VPS41: variants seen among roughly 807,000 people sequenced by gnomAD.
The protein encoded by VPS41 is VPS41 subunit of HOPS complex, also known as vacuolar protein sorting-associated protein 41 homolog.
Under a neutral mutation model 130.9 loss-of-function variants are expected in VPS41, and 85 were observed. The observed-to-expected ratio is 0.65, with a 90% CI of 0.55 to 0.78. VPS41 has a LOEUF of 0.78. VPS41 is among the 30% of genes least tolerant of loss of function. VPS41 has a pLI of 0.00. For synonymous variants in VPS41, 335 were observed against 332.9 expected (o/e 1.01, Z -0.07); for missense variants, 874 against 1,018.7 (o/e 0.86, Z 1.93).
At position 38,754,890 on chromosome 7, in the gene VPS41, C is replaced by G; in HGVS notation, c.1737+5G>C. Reference sequence around the variant, plus strand: ...GTAACACATATAAAAACAAATGACACTCACTGAAATTTTATCTTCATTGTC... The same window carrying G: ...GTAACACATATAAAAACAAATGACAGTCACTGAAATTTTATCTTCATTGTC... On this transcript the variant is annotated splice_donor_5th_base_variant and intron_variant, in intron 20 of 28. Coordinates refer to ENST00000310301, the MANE Select transcript of VPS41 (RefSeq NM_014396.4). The G allele has an allele frequency of 6.2e-7, 1 of 1,613,320 alleles. No individual in the cohort carries two copies. The highest frequency in any genetic ancestry group is 8.5e-7 in the Non-Finnish European group (1 of 1,179,486).
chr7:38,765,508 T>G, intron 16 of VPS41, 72 bp downstream of exon 16: 6 of 1,037,378 alleles, frequency 5.8e-6, no homozygotes, highest in Non-Finnish European at 8.6e-6. Flanking sequence ...TGAGTACTAT[T>G]ATCTTTGTTT....
In VPS41 at chr7:38,821,219, A is replaced by G. The variant is rs540991582; in HGVS notation, c.368T>C (p.Phe123Ser). ...AATACTTACTTTAATGGGACAGTCA[A>G]AAGTCTCGTGAAATTCTTCTCCAGA... is the stretch of plus-strand genomic sequence containing the variant. Reference protein sequence around the residue: ...LYSGEEFHETFDCPIKIIAVH... With the variant: ...LYSGEEFHETSDCPIKIIAVH... Residue 123 changes from phenylalanine (F) to serine (S), a missense_variant, in exon 6 of 29, where the codon TTT (phenylalanine) becomes TCT (serine). Phe to Ser is a radical substitution (Grantham distance 155, BLOSUM62 -2). Transcript: ENST00000310301. 34 of 1,613,832 alleles carry G rather than the reference A, an allele frequency of 2.1e-5. No individual in the cohort carries two copies. In the Admixed American group the frequency reaches 3.5e-4, roughly 17 times the overall value.
chr7:38,859,418 C>T (rs1221291182), intron 4 of VPS41, among the ~76,000 whole-genome samples: 1 of 152,114 alleles, frequency 6.6e-6, no homozygotes, highest in East Asian at 1.9e-4. Context: ...CCACCCAGAA[C>T]AACTTCCAGT....
chr7:38,765,418 G>T lies in VPS41; in HGVS notation c.1329+162C>A, dbSNP rs563895046. 2.6e-5 allele frequency among the ~76,000 whole-genome samples: 4 copies of T among 151,510 alleles called. No individual in the cohort carries two copies. In the South Asian group the frequency reaches 8.3e-4, roughly 32 times the overall value. On this transcript the variant is annotated intron_variant, in intron 16 of 28. Transcript: ENST00000310301. Reference sequence around the variant, plus strand: ...TAATCTTATATATTTTTTTTTACACGAGGCTTATATTTTGAAACTGTCTCT... The same window carrying T: ...TAATCTTATATATTTTTTTTTACACTAGGCTTATATTTTGAAACTGTCTCT...
intron 10 of VPS41, among the ~76,000 whole-genome samples, chr7:38,785,649 A>C (rs1396725880): frequency 1.3e-5 from 2 of 151,828 alleles, no homozygotes; most frequent in East Asian, 1.9e-4. Flanking sequence ...GCTAATCACA[A>C]GGTTCAAACC....
intron 4 of VPS41, among the ~76,000 whole-genome samples, chr7:38,853,537 C>T (rs1785911918): frequency 6.6e-6 from 1 of 152,176 alleles, no homozygotes. Flanking sequence ...TTCCCTGTCT[C>T]CCAACTGCAA....
At chr7:38,804,041 T>A (rs1784788244) in intron 7 of VPS41, among the ~76,000 whole-genome samples, 1 of 152,250 alleles carries the variant, frequency 6.6e-6, no homozygotes, top group African/African-American at 2.4e-5. Flanking sequence ...ATTTAACATG[T>A]TTAAAACCAG....
intron 5 of VPS41, among the ~76,000 whole-genome samples, chr7:38,822,496 A>G (rs1785191584): frequency 6.6e-6 from 1 of 152,212 alleles, no homozygotes; most frequent in Non-Finnish European, 1.5e-5. Context: ...ACACTGTTGG[A>G]TATAGTAGAG....
chr7:38,815,766 T>C (rs1217012253), intron 7 of VPS41, among the ~76,000 whole-genome samples: 1 of 152,130 alleles, frequency 6.6e-6, no homozygotes, highest in African/African-American at 2.4e-5. Context: ...CCAGCCTACA[T>C]CTTTCTCTCT....
rs17171467 is a variant in VPS41, at chr7:38,801,575, G to T, written c.451-4711C>A. 5.5e-3 allele frequency among the ~76,000 whole-genome samples: 843 copies of T among 152,232 alleles called. 11 individuals carry two copies. The highest frequency in any genetic ancestry group is 0.019 in the African/African-American group (800 of 41,520). ...TACTAAGGAAAGTCATCATTTAAGA[G>T]AATTCTTTTGTAAGTCAAATAATTT... is the stretch of plus-strand genomic sequence containing the variant. On this transcript the variant is annotated intron_variant, in intron 7 of 28. Transcript: ENST00000310301.
intron 2 of VPS41, among the ~76,000 whole-genome samples, chr7:38,890,783 T>C (rs1190361288): frequency 6.6e-6 from 1 of 152,018 alleles, no homozygotes; most frequent in Non-Finnish European, 1.5e-5. Context: ...CCTCCTGGGC[T>C]GAAGTGATCC....
At chr7:38,757,838 C>T (rs1199031864) in intron 18 of VPS41, among the ~76,000 whole-genome samples, 1 of 152,126 alleles carries the variant, frequency 6.6e-6, no homozygotes, top group Non-Finnish European at 1.5e-5. Context: ...TCATAAGCGT[C>T]TCGCACAAAG....
intron 4 of VPS41, among the ~76,000 whole-genome samples, chr7:38,847,978 C>A (rs1003007527): frequency 2.0e-5 from 3 of 152,046 alleles, no homozygotes; most frequent in Admixed American, 6.5e-5. Context: ...AGAGAAAATG[C>A]CTAATTTATT....
chr7:38,811,608 C>T (rs1784944274), intron 7 of VPS41, among the ~76,000 whole-genome samples: 1 of 150,642 alleles, frequency 6.6e-6, no homozygotes. Flanking sequence ...CACACACACA[C>T]ACACACACAC....
intron 2 of VPS41, among the ~76,000 whole-genome samples, chr7:38,897,832 T>C (rs1787042324): frequency 6.6e-6 from 1 of 152,196 alleles, no homozygotes; most frequent in South Asian, 2.1e-4. Context: ...TTGTATCAAT[T>C]TTCCAACTGC....
intron 10 of VPS41, among the ~76,000 whole-genome samples, chr7:38,785,151 G>A (rs1246882916): frequency 6.6e-6 from 1 of 152,160 alleles, no homozygotes; most frequent in Non-Finnish European, 1.5e-5. Flanking sequence ...TAATCAACTG[G>A]ATGTAATACC....
intron 1 of VPS41, among the ~76,000 whole-genome samples, chr7:38,902,453 G>C (rs1320177542): frequency 6.6e-6 from 1 of 152,140 alleles, no homozygotes; most frequent in African/African-American, 2.4e-5. Context: ...CAGGTGTTTT[G>C]TTTGGCCTAG....
chr7:38,834,771 GA>G lies in VPS41; in HGVS notation c.247-4444del, dbSNP rs138522505. Among the ~76,000 whole-genome samples, 1,316 of 151,606 alleles carry G rather than the reference GA, an allele frequency of 8.7e-3. 24 individuals are homozygous for G. Among genetic ancestry groups the G allele is most frequent in the African/African-American group, 0.029 (1,214 of 41,364 alleles). ...TAATGGGTTATTTCTTAAATTTTGA[GA>G]TTTTTTTTTCATTTTTTTTCCACTT... On this transcript the variant is annotated intron_variant, in intron 4 of 28. Transcript: ENST00000310301.
At chr7:38,900,872 C>T (rs181154283) in intron 1 of VPS41, among the ~76,000 whole-genome samples, 8 of 152,278 alleles carry the variant, frequency 5.3e-5, no homozygotes, top group African/African-American at 1.9e-4. Context: ...TTAGGCTGGT[C>T]TGTTATTTCT....
Sources: gnomAD v4.1 joint callset for allele counts (sites outside exome capture counted in the v4.1 genomes callset) on GRCh38, gnomAD v4.1.1 for gene constraint, MANE v1.5 for transcripts, NCBI Gene and HGNC (gene_info 2026-07-23, HGNC 2026-07-21) for gene names.